CFAP44: variants seen among roughly 807,000 people sequenced by gnomAD.
The protein encoded by CFAP44 is cilia- and flagella-associated protein 44.
In CFAP44, 134 loss-of-function variants were observed where a neutral mutation model predicts 216.2. The ratio of observed to expected loss-of-function variants is 0.62; its 90% confidence interval spans 0.54 to 0.72. CFAP44 has a LOEUF of 0.72. Ranked by LOEUF, CFAP44 falls within the 30% of genes least tolerant of loss-of-function variation. CFAP44 has a pLI of 0.00. For synonymous variants in CFAP44, 700 were observed against 727.6 expected (o/e 0.96, Z 0.61); for missense variants, 2,035 against 2,182.1 (o/e 0.93, Z 1.34).
chr3:113,429,925 G>T (rs1935059395), intron 2 of CFAP44, among the ~76,000 whole-genome samples: 1 of 152,048 alleles, frequency 6.6e-6, no homozygotes, highest in Admixed American at 6.6e-5. Flanking sequence ...AGAACAACTA[G>T]TCAAAAACTT....
chr3:113,394,378 A>C (rs1933930783), intron 15 of CFAP44, among the ~76,000 whole-genome samples: 1 of 152,166 alleles, frequency 6.6e-6, no homozygotes, highest in Non-Finnish European at 1.5e-5. Flanking sequence ...TATCTAGGGA[A>C]GTGAATGAAG....
intron 21 of CFAP44, among the ~76,000 whole-genome samples, chr3:113,362,631 G>T (rs1412805130): frequency 2.0e-5 from 3 of 152,166 alleles, no homozygotes; most frequent in Non-Finnish European, 2.9e-5. Flanking sequence ...CATCACATAT[G>T]TGCATCAGAG....
chr3:113,378,971 T>C (rs1025098357), intron 17 of CFAP44, among the ~76,000 whole-genome samples: 1 of 152,160 alleles, frequency 6.6e-6, no homozygotes, highest in African/African-American at 2.4e-5. Context: ...CCCTAGCCTT[T>C]TGCCTTTCTA....
At chr3:113,406,487 G>A (rs1339885639) in intron 8 of CFAP44, among the ~76,000 whole-genome samples, 21 of 152,084 alleles carry the variant, frequency 1.4e-4, no homozygotes, top group Middle Eastern at 3.2e-3. Flanking sequence ...AGCCAGGCAT[G>A]GTGGCAGGCG....
chr3:113,427,501 T>C (rs922727996), intron 2 of CFAP44, 162 bp from the exon 3 acceptor site: 1 of 541,530 alleles, frequency 1.8e-6, no homozygotes, highest in East Asian at 3.4e-5. Context: ...CTTGTAACTT[T>C]ACAAAATAAG....
chr3:113,426,912 T>C (rs970996753), intron 3 of CFAP44: 5 of 350,204 alleles, frequency 1.4e-5, no homozygotes, highest in African/African-American at 1.1e-4. Context: ...CAAAGGAAAG[T>C]TGAACTCCCA....
At chr3:113,418,236 C>T (rs1934704191) in intron 5 of CFAP44, among the ~76,000 whole-genome samples, 1 of 151,924 alleles carries the variant, frequency 6.6e-6, no homozygotes, top group South Asian at 2.1e-4. Context: ...TATAGGTGTG[C>T]ACCACCACAC....
At chr3:113,307,840 C>T (rs924594070) in intron 29 of CFAP44, among the ~76,000 whole-genome samples, 3 of 151,934 alleles carry the variant, frequency 2.0e-5, no homozygotes, top group Admixed American at 2.0e-4. Context: ...ATTAGGTGGG[C>T]GTGATGGCAT....
Position 113,344,601 on chromosome 3 carries a change from T to C in CFAP44, c.3177A>G (p.Arg1059=). 1 of 1,537,152 alleles carries C rather than the reference T, an allele frequency of 6.5e-7. No homozygotes were observed. The highest frequency in any genetic ancestry group is 8.7e-7 in the Non-Finnish European group (1 of 1,146,866). ...VQPSKYSKFK[R]ASQSERKPSK... ...TTGGTTTTCTCTCTGATTGACTAGC[T>C]CGTTTGAATTTGGAGTACTTAGAGG... Residue 1059 remains arginine (R), a synonymous_variant, in exon 23 of 35, where the codon CGA becomes CGG. Transcript: ENST00000393845.
At chr3:113,351,056 C>G (rs545801125) in intron 22 of CFAP44, among the ~76,000 whole-genome samples, 1 of 152,122 alleles carries the variant, frequency 6.6e-6, no homozygotes, top group East Asian at 1.9e-4. Context: ...CTTGTAGAGG[C>G]AGGGTTAGGA....
chr3:113,293,894 G>C (rs923448418), intron 34 of CFAP44: 12 of 426,180 alleles, frequency 2.8e-5, no homozygotes, highest in African/African-American at 2.3e-4. Context: ...GCAGACTGCT[G>C]GGCCCCTCCC....
chr3:113,292,182 A>G (rs186556698), intron 34 of CFAP44, among the ~76,000 whole-genome samples: 1 of 151,850 alleles, frequency 6.6e-6, no homozygotes, highest in East Asian at 1.9e-4. Flanking sequence ...TCTTTGCCCC[A>G]TGGACTAGGT....
At chr3:113,406,742 A>T (rs1934294047) in intron 8 of CFAP44, among the ~76,000 whole-genome samples, 185 bp downstream of exon 8, 1 of 152,216 alleles carries the variant, frequency 6.6e-6, no homozygotes, top group Non-Finnish European at 1.5e-5. Context: ...GTAAGTATGG[A>T]TTATGACAAT....
chr3:113,312,238 A>AT (rs769734983), intron 28 of CFAP44, among the ~76,000 whole-genome samples: 3,699 of 130,670 alleles, frequency 0.028, 112 homozygotes, highest in African/African-American at 0.073. Flanking sequence ...TGCCTGGCTA[A>AT]TTTTTTTTTT....
intron 7 of CFAP44, among the ~76,000 whole-genome samples, chr3:113,408,850 C>T (rs192852439): frequency 3.3e-5 from 4 of 120,770 alleles, no homozygotes; most frequent in East Asian, 2.4e-4. Flanking sequence ...GCAACAAAAG[C>T]GAAACTCCAT....
chr3:113,326,956 G>A (rs753293775), intron 27 of CFAP44, among the ~76,000 whole-genome samples: 4 of 152,010 alleles, frequency 2.6e-5, no homozygotes, highest in Non-Finnish European at 5.9e-5. Flanking sequence ...TAATATTTTT[G>A]CATGTGTAGT....
chr3:113,308,042 T>C, intron 29 of CFAP44, 116 bp downstream of exon 29: 1 of 723,858 alleles, frequency 1.4e-6, no homozygotes, highest in Non-Finnish European at 2.2e-6. Flanking sequence ...ATAACATACA[T>C]TTTGAACTAT....
chr3:113,425,260 C>G (rs1006182960), intron 4 of CFAP44, among the ~76,000 whole-genome samples: 4 of 152,212 alleles, frequency 2.6e-5, no homozygotes, highest in African/African-American at 9.7e-5. Context: ...CACCCTATCT[C>G]TGTAAGTATT....
At position 113,401,281 on chromosome 3, in the gene CFAP44, T is replaced by C. The variant is rs562082814; in HGVS notation, c.1333A>G (p.Asn445Asp). ...GNNFWLAQDA[N>D]GAIWKLDLSF... ...AGGTCAAGCTTCCATATGGCTCCAT[T>C]GGCATCCTAAAAAAATTAAATAGTA... Residue 445 changes from asparagine to aspartate, a missense_variant, in exon 11 of 35, where the codon AAT (asparagine) becomes GAT (aspartate). Transcript: ENST00000393845. The C allele has an allele frequency of 6.3e-7, 1 of 1,583,392 alleles. No individual in the cohort carries two copies. The highest frequency in any genetic ancestry group is 1.4e-5 in the African/African-American group (1 of 73,098).
Sources: allele counts gnomAD v4.1 joint callset (sites outside exome capture counted in the v4.1 genomes callset), GRCh38; gene constraint gnomAD v4.1.1; transcripts MANE v1.5; gene names NCBI Gene and HGNC (gene_info 2026-07-23, HGNC 2026-07-21).